The following FNDC3B variants were observed in gnomAD, a reference collection of about 807,000 sequenced individuals.
The protein encoded by FNDC3B is fibronectin type III domain-containing protein 3B.
Under a neutral mutation model 151.5 loss-of-function variants are expected in FNDC3B, and 12 were observed. The observed-to-expected ratio is 0.08, with a 90% CI of 0.05 to 0.13. FNDC3B has a LOEUF of 0.13. Among genes scored for constraint, FNDC3B ranks in the 10% least tolerant of loss-of-function variants. The pLI is 1.00. For missense variants in FNDC3B, 1,214 were observed against 1,505.3 expected (o/e 0.81, Z 3.20); for synonymous variants, 528 against 549.0 (o/e 0.96, Z 0.54).
intron 3 of FNDC3B, among the ~76,000 whole-genome samples, chr3:172,147,261 T>C (rs1183446872): frequency 2.0e-5 from 3 of 149,536 alleles, no homozygotes; most frequent in Non-Finnish European, 4.4e-5. Context: ...GAGCTGAGAT[T>C]GCAACATTGT....
At chr3:172,075,697 A>G (rs188777200) in intron 1 of FNDC3B, among the ~76,000 whole-genome samples, 17 of 151,586 alleles carry the variant, frequency 1.1e-4, no homozygotes, top group African/African-American at 3.9e-4. Context: ...ACACATTGAG[A>G]AACATATTTT....
At chr3:172,154,690 T>G (rs1415510689) in intron 3 of FNDC3B, among the ~76,000 whole-genome samples, 1 of 152,176 alleles carries the variant, frequency 6.6e-6, no homozygotes. Flanking sequence ...CCCGCATACT[T>G]AATTGAGAAA....
At position 172,362,700 on chromosome 3, in the gene FNDC3B, C is replaced by G; in HGVS notation, c.2863C>G (p.Arg955Gly). ...TAGTCAGTTCATTAAAGCAAAAACT[C>G]GGCCATTACCACCCTTGCCTCCTAG... ...PFSQFIKAKT[R>G]PLPPLPPRLE... The change falls in exon 23 of 26, where the codon CGG becomes GGG. Residue 955 changes from arginine to glycine, a missense_variant. Physicochemically the swap from Arg to Gly is moderately radical, Grantham distance 125 (BLOSUM62 -2). Transcript: ENST00000415807. 6.2e-7 allele frequency: 1 copy of G among 1,613,932 alleles called. No homozygotes were observed. The highest frequency in any genetic ancestry group is 8.5e-7 in the Non-Finnish European group (1 of 1,179,958).
intron 2 of FNDC3B, 68 bp from the exon 3 acceptor site, chr3:172,133,403 A>T: frequency 8.5e-7 from 1 of 1,177,540 alleles, no homozygotes; most frequent in Non-Finnish European, 1.3e-6. Context: ...ATATAAATTT[A>T]GGTAATAACA....
intron 6 of FNDC3B, among the ~76,000 whole-genome samples, chr3:172,270,440 A>G (rs967480520): frequency 6.6e-5 from 10 of 152,164 alleles, no homozygotes; most frequent in South Asian, 4.1e-4. Flanking sequence ...ACTTTCTCCA[A>G]TTCTCTAACA....
At chr3:172,270,897 G>A (rs983455473) in intron 6 of FNDC3B, among the ~76,000 whole-genome samples, 2 of 152,210 alleles carry the variant, frequency 1.3e-5, no homozygotes, top group Non-Finnish European at 2.9e-5. Context: ...AGTTCATTAT[G>A]TGTGCTTGAA....
intron 3 of FNDC3B, among the ~76,000 whole-genome samples, chr3:172,179,465 G>T (rs1258034533): frequency 6.6e-6 from 1 of 152,086 alleles, no homozygotes; most frequent in Non-Finnish European, 1.5e-5. Flanking sequence ...GTATGTTCAG[G>T]ATATATGGTA....
At chr3:172,336,860 G>A (rs1033464331) in intron 15 of FNDC3B, among the ~76,000 whole-genome samples, 5 of 150,408 alleles carry the variant, frequency 3.3e-5, no homozygotes, top group East Asian at 3.9e-4. Flanking sequence ...CCGAGATGGC[G>A]CCATTGCATT....
At chr3:172,271,618 G>A (rs1729204855) in intron 6 of FNDC3B, among the ~76,000 whole-genome samples, 1 of 152,192 alleles carries the variant, frequency 6.6e-6, no homozygotes, top group Non-Finnish European at 1.5e-5. Context: ...GCTAGGGCCT[G>A]TTGACCTACT....
At chr3:172,333,284 A>C (rs1732772883) in intron 14 of FNDC3B, 109 bp downstream of exon 14, 3 of 733,590 alleles carry the variant, frequency 4.1e-6, no homozygotes, top group Admixed American at 2.3e-5. Flanking sequence ...AGTTCACAGC[A>C]CTTTACATTT....
chr3:172,163,601 A>G (rs1406910359), intron 3 of FNDC3B, among the ~76,000 whole-genome samples: 6 of 152,188 alleles, frequency 3.9e-5, no homozygotes, highest in Non-Finnish European at 8.8e-5. Context: ...TACTATATGT[A>G]TTCTTCAGTG....
chr3:172,105,478 C>G (rs1204363481), intron 1 of FNDC3B, among the ~76,000 whole-genome samples: 1 of 152,066 alleles, frequency 6.6e-6, no homozygotes, highest in Non-Finnish European at 1.5e-5. Flanking sequence ...AGTAACATCC[C>G]AAATCCGTCT....
At chr3:172,065,695 CAA>C (rs533921514) in intron 1 of FNDC3B, among the ~76,000 whole-genome samples, 154 of 152,308 alleles carry the variant, frequency 1.0e-3, no homozygotes, top group African/African-American at 3.6e-3. Flanking sequence ...AAAGGAATTA[CAA>C]AGTTTTGGCC....
intron 3 of FNDC3B, among the ~76,000 whole-genome samples, chr3:172,183,112 G>T (rs1239745238): frequency 6.6e-6 from 1 of 152,166 alleles, no homozygotes; most frequent in Non-Finnish European, 1.5e-5. Flanking sequence ...ACAGATCCAG[G>T]TCATCCTTGT....
At chr3:172,184,727 G>C (rs906080697) in intron 3 of FNDC3B, among the ~76,000 whole-genome samples, 4 of 152,168 alleles carry the variant, frequency 2.6e-5, no homozygotes, top group Admixed American at 2.0e-4. Flanking sequence ...TTATTCCTGA[G>C]TTTCAACACC....
chr3:172,378,353 A>G lies in FNDC3B; in HGVS notation c.3092A>G (p.Gln1031Arg). The change falls in exon 24 of 26, where the codon CAG (glutamine) becomes CGG (arginine). Residue 1031 changes from glutamine to arginine, a missense_variant. By Grantham distance (43) the Gln-to-Arg change is conservative. This residue lies in a region of FNDC3B where 284 missense variants were observed against 392.4 expected (regional missense o/e 0.72). Coordinates refer to ENST00000415807, the MANE Select transcript of FNDC3B (RefSeq NM_022763.4). Reference sequence around the variant, plus strand: ...TTCACATGCTACTCCTTCAGAATCCAGGCAGCAAGCGAGGCTGGAGAAGGG... The same window carrying G: ...TTCACATGCTACTCCTTCAGAATCCGGGCAGCAAGCGAGGCTGGAGAAGGG... The part of the protein sequence containing the change: ...TEFTCYSFRI[Q>R]AASEAGEGPF... The G allele has an allele frequency of 6.2e-7, 1 of 1,614,098 alleles. No homozygotes were observed. The highest frequency in any genetic ancestry group is 1.1e-5 in the South Asian group (1 of 91,078).
In FNDC3B at chr3:172,370,119, T is replaced by G. The variant is rs533584853; in HGVS notation, c.3008+7274T>G. The stretch of plus-strand genomic sequence containing the variant: ...GCATTTTGAGGAGTTAATATTAATG[T>G]GTTGCTGTGAGCCTGTAGTTGGCCT... On this transcript the variant is annotated intron_variant, in intron 23 of 25. Transcript: ENST00000415807. 5.9e-5 allele frequency among the ~76,000 whole-genome samples: 9 copies of G among 152,306 alleles called. No homozygotes were observed. In the South Asian group the frequency reaches 1.2e-3, roughly 21 times the overall value.
rs1272527326 is a variant in FNDC3B, at chr3:172,279,233, GC to G, written c.791-6692del. ...AGGCCTGGGGAGTGGGGGGCGGGGG[GC>G]GGGGAAATCATCCTGTCCAGTGAAT... is the stretch of plus-strand genomic sequence containing the variant. On this transcript the variant is annotated intron_variant, in intron 6 of 25. Transcript: ENST00000415807. Among the ~76,000 whole-genome samples, 16 of 121,700 alleles carry G rather than the reference GC, an allele frequency of 1.3e-4. No homozygotes were observed. The South Asian group carries it at 4.9e-3, about 37-fold the overall frequency. 79.8% of individuals were successfully genotyped at this position (121,700 alleles called of 152,430 possible). A position where few individuals can be genotyped will look rare whatever the true frequency, so the allele number is the denominator to read the frequency against.
chr3:172,192,024 C>A (rs949086747), intron 3 of FNDC3B, among the ~76,000 whole-genome samples: 2 of 152,056 alleles, frequency 1.3e-5, no homozygotes, highest in African/African-American at 4.8e-5. Context: ...TTTCTCTTAA[C>A]ATAGCAATCT....
Sources: gnomAD v4.1 joint callset for allele counts (sites outside exome capture counted in the v4.1 genomes callset) on GRCh38, gnomAD v4.1.1 for gene constraint, gnomAD v4.1.1 regional missense constraint, MANE v1.5 for transcripts, NCBI Gene and HGNC (gene_info 2026-07-23, HGNC 2026-07-21) for gene names.